The following STAC variants were observed in gnomAD, a reference collection of about 807,000 sequenced individuals.
STAC encodes the protein SH3 and cysteine rich domain, also known as SH3 and cysteine-rich domain-containing protein.
Under a neutral mutation model 48.8 loss-of-function variants are expected in STAC, and 43 were observed. The ratio of observed to expected loss-of-function variants is 0.88; its 90% CI spans 0.69 to 1.14. The LOEUF (loss-of-function observed/expected upper bound fraction) is 1.14. Ranked by LOEUF, STAC falls within the 50% of genes most tolerant of loss-of-function variation. STAC has a pLI of 0.00. For synonymous variants in STAC, 193 were observed against 179.5 expected (o/e 1.07, Z -0.60); for missense variants, 497 against 504.0 (o/e 0.99, Z 0.13).
chr3:36,522,578 A>G (rs1176073142), intron 8 of STAC, among the ~76,000 whole-genome samples: 3 of 152,206 alleles, frequency 2.0e-5, no homozygotes, highest in African/African-American at 7.2e-5. Context: ...TGAATGTCAT[A>G]GAGTTTTCCT....
At chr3:36,512,151 T>C (rs1199301671) in intron 8 of STAC, among the ~76,000 whole-genome samples, 1 of 152,180 alleles carries the variant, frequency 6.6e-6, no homozygotes, top group Non-Finnish European at 1.5e-5. Context: ...GTTTTCTCTA[T>C]TGCTGAGTAA....
chr3:36,539,547 T>C (rs1320921801), intron 10 of STAC, among the ~76,000 whole-genome samples: 1 of 152,202 alleles, frequency 6.6e-6, no homozygotes, highest in Non-Finnish European at 1.5e-5. Context: ...TCTTGTTGTT[T>C]TATGGCTGCT....
At chr3:36,497,749 G>A (rs970393708) in intron 6 of STAC, among the ~76,000 whole-genome samples, 2 of 152,122 alleles carry the variant, frequency 1.3e-5, no homozygotes, top group Non-Finnish European at 2.9e-5. Flanking sequence ...CAGAAAAAAG[G>A]AAGGGAGGGA....
chr3:36,486,635 C>T (rs961536353), intron 5 of STAC, among the ~76,000 whole-genome samples: 2 of 152,192 alleles, frequency 1.3e-5, no homozygotes, highest in African/African-American at 4.8e-5. Flanking sequence ...AGCTACATTC[C>T]AGTTCAAAGA....
At position 36,474,425 on chromosome 3, in the gene STAC, G is replaced by C. The variant is rs113366977; in HGVS notation, c.389-8567G>C. Among the ~76,000 whole-genome samples the C allele has an allele frequency of 1.3e-3, 193 of 152,244 alleles. 1 individual carries two copies. The highest frequency in any genetic ancestry group is 4.4e-3 in the African/African-American group (183 of 41,516). On this transcript the variant is annotated intron_variant, in intron 2 of 10. Transcript: ENST00000273183. ...TTTTATCTTTATCATAGACAGTGTTGAGAGACCCACAGATGCCCTTTCACT... is the reference window on the plus strand; with the variant it reads ...TTTTATCTTTATCATAGACAGTGTTCAGAGACCCACAGATGCCCTTTCACT...
intron 1 of STAC, among the ~76,000 whole-genome samples, chr3:36,416,307 CA>C (rs758683997): frequency 5.3e-5 from 8 of 151,994 alleles, no homozygotes; most frequent in Non-Finnish European, 8.8e-5. Flanking sequence ...ATGGTATCTC[CA>C]AAATTTTTCT....
chr3:36,514,381 C>G (rs1698618712), intron 8 of STAC, among the ~76,000 whole-genome samples: 1 of 151,940 alleles, frequency 6.6e-6, no homozygotes, highest in Non-Finnish European at 1.5e-5. Flanking sequence ...GATTCATGCA[C>G]TAGATCTCAG....
intron 1 of STAC, among the ~76,000 whole-genome samples, chr3:36,431,992 T>C (rs1379169458): frequency 6.6e-6 from 1 of 152,230 alleles, no homozygotes; most frequent in Non-Finnish European, 1.5e-5. Flanking sequence ...TCTGAATATA[T>C]ACAGTTCTGT....
At chr3:36,442,306 T>C (rs563702077) in intron 1 of STAC, among the ~76,000 whole-genome samples, 67 of 152,350 alleles carry the variant, frequency 4.4e-4, no homozygotes, top group African/African-American at 1.5e-3. Context: ...CTCTGGGCCA[T>C]ACATGTTTAT....
At chr3:36,442,430 T>A (rs1696374419) in intron 1 of STAC, among the ~76,000 whole-genome samples, 2 of 152,086 alleles carry the variant, frequency 1.3e-5, no homozygotes, top group African/African-American at 2.4e-5. Flanking sequence ...GGACTAGGGA[T>A]GAGAAAGCAG....
chr3:36,540,975 G>T (rs1202293502), intron 10 of STAC, among the ~76,000 whole-genome samples: 1 of 152,108 alleles, frequency 6.6e-6, no homozygotes, highest in Non-Finnish European at 1.5e-5. Flanking sequence ...CTATAATAAA[G>T]AGTCTGATAG....
At chr3:36,458,268 G>C (rs1696906925) in intron 2 of STAC, among the ~76,000 whole-genome samples, 1 of 152,142 alleles carries the variant, frequency 6.6e-6, no homozygotes, top group Non-Finnish European at 1.5e-5. Context: ...CCCCATACTA[G>C]AGTTCAACTG....
At position 36,498,598 on chromosome 3, in the gene STAC, A is replaced by G. The variant is rs368518186; in HGVS notation, c.766+5369A>G. Reference sequence around the variant, plus strand: ...GTGAAACTCCATCTTTACAAAAAATACAAAATTAGCCAGGCGTGGTGGTGC... The same window carrying G: ...GTGAAACTCCATCTTTACAAAAAATGCAAAATTAGCCAGGCGTGGTGGTGC... On this transcript the variant is annotated intron_variant, in intron 6 of 10. Transcript: ENST00000273183. 5.3e-5 allele frequency among the ~76,000 whole-genome samples: 8 copies of G among 152,262 alleles called. No individual in the cohort carries two copies. In the East Asian group the frequency reaches 7.7e-4, roughly 15 times the overall value.
intron 10 of STAC, among the ~76,000 whole-genome samples, chr3:36,532,476 C>T (rs1699095312): frequency 6.6e-6 from 1 of 152,174 alleles, no homozygotes; most frequent in African/African-American, 2.4e-5. Context: ...CTCAAGAGCA[C>T]CCGATCCTTC....
chr3:36,384,948 A>T (rs12636811), intron 1 of STAC, among the ~76,000 whole-genome samples: 65,535 of 152,012 alleles, frequency 0.43, 14,302 homozygotes, highest in African/African-American at 0.49. Context: ...TCATACATAT[A>T]TGTGAAGCTG....
At chr3:36,418,044 G>A (rs1700359000) in intron 1 of STAC, among the ~76,000 whole-genome samples, 1 of 151,988 alleles carries the variant, frequency 6.6e-6, no homozygotes, top group Non-Finnish European at 1.5e-5. Flanking sequence ...TTTTGTTTTA[G>A]TGGGATATTT....
At chr3:36,534,649 G>C (rs572564600) in intron 10 of STAC, among the ~76,000 whole-genome samples, 2 of 151,776 alleles carry the variant, frequency 1.3e-5, no homozygotes, top group African/African-American at 4.8e-5. Context: ...ATGAGAGTTT[G>C]CATTGATACA....
intron 2 of STAC, among the ~76,000 whole-genome samples, chr3:36,452,322 T>C (rs1437115567): frequency 6.6e-6 from 1 of 152,242 alleles, no homozygotes; most frequent in Non-Finnish European, 1.5e-5. Context: ...TAATTGCCTT[T>C]TGTTTAATAT....
intron 1 of STAC, among the ~76,000 whole-genome samples, chr3:36,421,444 T>C (rs1298938771): frequency 6.6e-6 from 1 of 152,188 alleles, no homozygotes; most frequent in East Asian, 1.9e-4. Context: ...GTTGTAGTCA[T>C]ACTATGAGAA....
Sources: gnomAD v4.1 joint callset for allele counts (sites outside exome capture counted in the v4.1 genomes callset) on GRCh38, gnomAD v4.1.1 for gene constraint, MANE v1.5 for transcripts, NCBI Gene and HGNC (gene_info 2026-07-23, HGNC 2026-07-21) for gene names.